The following GAD2 variants were observed in gnomAD, a reference collection of about 807,000 sequenced individuals.
GAD2 encodes the protein 65 kDa glutamic acid decarboxylase.
GAD2 carries 22 observed loss-of-function variants against 80.1 expected under a neutral mutation model. That is an observed-to-expected ratio of 0.27 (90% CI 0.20 to 0.39). The LOEUF (loss-of-function observed/expected upper bound fraction) is 0.39. Ranked by LOEUF, GAD2 falls within the 10% of genes least tolerant of loss-of-function variation. The pLI, the probability that GAD2 is intolerant of heterozygous loss-of-function variation, is 1.00. For synonymous variants in GAD2, 274 were observed against 256.9 expected (o/e 1.07, Z -0.64); for missense variants, 624 against 738.4 (o/e 0.85, Z 1.80).
At chr10:26,225,197 G>A (rs1459194997) in intron 6 of GAD2, among the ~76,000 whole-genome samples, 3 of 152,158 alleles carry the variant, frequency 2.0e-5, no homozygotes, top group Non-Finnish European at 2.9e-5. Flanking sequence ...AGAGGGTGAC[G>A]ATTTCTTCAA....
chr10:26,251,114 G>T (rs1445953374), intron 8 of GAD2, among the ~76,000 whole-genome samples: 2 of 146,806 alleles, frequency 1.4e-5, no homozygotes, highest in Admixed American at 6.9e-5. Flanking sequence ...TAGCCAGGAT[G>T]GTCTTGATCT....
intron 7 of GAD2, among the ~76,000 whole-genome samples, chr10:26,240,102 T>C (rs1335433476): frequency 2.6e-5 from 4 of 152,212 alleles, no homozygotes; most frequent in African/African-American, 4.8e-5. Context: ...CCAATTCTAA[T>C]AGAGGAGGAG....
At chr10:26,227,755 A>G (rs1212910039) in intron 6 of GAD2, among the ~76,000 whole-genome samples, 6 of 152,294 alleles carry the variant, frequency 3.9e-5, no homozygotes, top group Admixed American at 3.9e-4. Context: ...TGCCAAAACC[A>G]TGAGCTAGGA....
In GAD2 at chr10:26,224,530, A is replaced by G. The variant is rs1477004110; in HGVS notation, c.612-9A>G. 1 of 1,548,434 alleles carries G rather than the reference A, an allele frequency of 6.5e-7. No individual in the cohort carries two copies. Among genetic ancestry groups the G allele is most frequent in the African/African-American group, 1.4e-5 (1 of 73,712 alleles). On this transcript the variant is annotated splice_polypyrimidine_tract_variant and intron_variant, in intron 5 of 15. Coordinates refer to ENST00000376261, the MANE Select transcript of GAD2 (RefSeq NM_001134366.2). ...ACAGAGGTAAAATGTGGCCATTACT[A>G]CATTTCAGGTTCACCTATGAAATTG... is the stretch of plus-strand genomic sequence containing the variant.
chr10:26,225,693 C>T (rs975390615), intron 6 of GAD2, among the ~76,000 whole-genome samples: 5 of 152,116 alleles, frequency 3.3e-5, no homozygotes, highest in African/African-American at 1.2e-4. Flanking sequence ...AAGGCCAGGG[C>T]TTAAGTTAAG....
At chr10:26,224,351 G>T (rs1589136902) in intron 5 of GAD2, among the ~76,000 whole-genome samples, 188 bp from the exon 6 acceptor site, 1 of 152,292 alleles carries the variant, frequency 6.6e-6, no homozygotes, top group East Asian at 1.9e-4. Flanking sequence ...GCTCTTGACT[G>T]TAGGGATATA....
chr10:26,282,859 C>T (rs1356261934), intron 12 of GAD2, among the ~76,000 whole-genome samples: 1 of 152,198 alleles, frequency 6.6e-6, no homozygotes, highest in African/African-American at 2.4e-5. Flanking sequence ...AAGACAGCAA[C>T]TTCCCCTCAA....
intron 8 of GAD2, among the ~76,000 whole-genome samples, chr10:26,253,520 C>G (rs543015832): frequency 2.4e-4 from 37 of 152,274 alleles, no homozygotes; most frequent in African/African-American, 8.7e-4. Flanking sequence ...GGCCACTGAG[C>G]AAAAAGATGT....
In GAD2 at chr10:26,302,380, T is replaced by C. The variant is rs1353065655; in HGVS notation, c.*1419T>C. 2.0e-5 allele frequency: 3 copies of C among 152,062 alleles called. No individual in the cohort carries two copies. Among genetic ancestry groups the C allele is most frequent in the African/African-American group, 7.2e-5 (3 of 41,380 alleles). 9.4% of individuals were successfully genotyped at this position (152,062 alleles called of 1,614,324 possible). A position where few individuals can be genotyped will look rare whatever the true frequency, so the allele number is the denominator to read the frequency against. On this transcript the variant is annotated 3_prime_UTR_variant, in exon 16 of 16. Transcript: ENST00000376261. The stretch of plus-strand genomic sequence containing the variant: ...ACCAGAATATGCAGAAATAATAAGA[T>C]CCTTAGAATTCAAAATAGTATTTTT...
intron 7 of GAD2, among the ~76,000 whole-genome samples, chr10:26,240,622 C>T (rs1844728759): frequency 6.6e-6 from 1 of 151,814 alleles, no homozygotes. Flanking sequence ...ATCCCAGCTA[C>T]TCAGGACGCT....
rs1381133992 is a variant in GAD2, at chr10:26,292,906, A to G, written c.1499A>G (p.Gln500Arg). The G allele has an allele frequency of 6.2e-7, 1 of 1,613,650 alleles. No homozygotes were observed. Among genetic ancestry groups the G allele is most frequent in the East Asian group, 2.2e-5 (1 of 44,874 alleles). The change falls in exon 15 of 16, where the codon CAG (glutamine) becomes CGG (arginine). Residue 500 changes from glutamine (Q) to arginine (R), a missense_variant. Transcript: ENST00000376261. ...GYEMVFDGKP[Q>R]HTNVCFWYIP... The stretch of plus-strand genomic sequence containing the variant: ...ATCTTCCTTTCCTCTTTGTAGCCTC[A>G]GCACACAAATGTCTGCTTCTGGTAC...
chr10:26,256,248 T>TTA (rs536177329), intron 8 of GAD2, among the ~76,000 whole-genome samples: 2,073 of 150,410 alleles, frequency 0.014, 39 homozygotes, highest in African/African-American at 0.047. Context: ...TATATGCATA[T>TTA]TATATATATA....
intron 8 of GAD2, among the ~76,000 whole-genome samples, chr10:26,255,471 A>G (rs1001667548): frequency 1.3e-4 from 20 of 152,092 alleles, no homozygotes; most frequent in African/African-American, 4.6e-4. Flanking sequence ...GGGAGGAGGC[A>G]GGGCTGAAGC....
chr10:26,249,917 A>C (rs61340206), intron 8 of GAD2, among the ~76,000 whole-genome samples: 5,022 of 152,194 alleles, frequency 0.033, 274 homozygotes, highest in African/African-American at 0.11. Flanking sequence ...ATGCACCACC[A>C]GGAGGGCGGA....
intron 7 of GAD2, among the ~76,000 whole-genome samples, chr10:26,233,880 C>G (rs1844636580): frequency 6.6e-6 from 1 of 152,168 alleles, no homozygotes; most frequent in South Asian, 2.1e-4. Context: ...TGGGTCAAGA[C>G]AGACGCTGCT....
rs748122759 is a variant in GAD2 at position 26,223,931 on chromosome 10, G to C, written c.565G>C (p.Val189Leu). The C allele has an allele frequency of 1.1e-5, 18 of 1,610,672 alleles. No homozygotes were observed. In the South Asian group the frequency reaches 1.9e-4, roughly 17 times the overall value. Residue 189 changes from valine to leucine, a missense_variant, in exon 5 of 16, where the codon GTT becomes CTT. Coordinates refer to ENST00000376261, the MANE Select transcript of GAD2 (RefSeq NM_001134366.2). ...FNQLSTGLDMVGLAADWLTST... is the reference protein window; with the variant it reads ...FNQLSTGLDMLGLAADWLTST... ...TCAACTTTCTACTGGTTTGGATATG[G>C]TTGGATTAGCAGCAGACTGGCTGAC... is the stretch of plus-strand genomic sequence containing the variant.
rs200207069 is a variant in GAD2 at position 26,259,597 on chromosome 10, T to C, written c.921-9522T>C. 3.9e-5 allele frequency among the ~76,000 whole-genome samples: 6 copies of C among 152,314 alleles called. No individual in the cohort carries two copies. In the East Asian group the frequency reaches 1.2e-3, roughly 29 times the overall value. On this transcript the variant is annotated intron_variant, in intron 8 of 15. Transcript: ENST00000376261. ...GTTGAGTTTTAGGACTTCTTTATTC[T>C]AGATATTAATCCTTTATCAGATATA...
intron 8 of GAD2, among the ~76,000 whole-genome samples, chr10:26,263,681 T>G (rs76274373): frequency 0.012 from 1,887 of 152,366 alleles, 30 homozygotes; most frequent in Non-Finnish European, 0.02. Flanking sequence ...TAGCACTGAC[T>G]AGTTAAAAAG....
chr10:26,254,327 C>A (rs1362793225), intron 8 of GAD2, among the ~76,000 whole-genome samples: 1 of 152,216 alleles, frequency 6.6e-6, no homozygotes, highest in Non-Finnish European at 1.5e-5. Flanking sequence ...ACAAGAAGCA[C>A]ACAACCTAGA....
Sources: allele counts gnomAD v4.1 joint callset (sites outside exome capture counted in the v4.1 genomes callset), GRCh38; gene constraint gnomAD v4.1.1; transcripts MANE v1.5; gene names NCBI Gene and HGNC (gene_info 2026-07-23, HGNC 2026-07-21).